The following PRXL2A variants were observed in gnomAD, a reference collection of about 807,000 sequenced individuals.
PRXL2A encodes the protein peroxiredoxin-like 2A.
Under a neutral mutation model 25.6 loss-of-function variants are expected in PRXL2A, and 26 were observed. The ratio of observed to expected loss-of-function variants is 1.02; its 90% CI spans 0.74 to 1.41. The LOEUF (loss-of-function observed/expected upper bound fraction) is 1.41, where lower values mean the gene tolerates loss of function less well. PRXL2A is among the 40% of genes most tolerant of loss of function. PRXL2A has a pLI of 0.00. For synonymous variants in PRXL2A, 98 were observed against 102.9 expected, an observed-to-expected ratio of 0.95 and a Z score of 0.29; for missense variants, 246 against 273.9, an observed-to-expected ratio of 0.90 and a Z score of 0.72.
rs1845355025 is a variant in PRXL2A at position 80,434,664 on chromosome 10, C to A, written c.*2565C>A. Reference sequence around the variant, plus strand: ...ATAGAACTAGGGAAGTGCAAAATTACAAAAAGCTGGTAAGGAGATTGGTCA... The same window carrying A: ...ATAGAACTAGGGAAGTGCAAAATTAAAAAAAGCTGGTAAGGAGATTGGTCA... On this transcript the variant is annotated 3_prime_UTR_variant, in exon 6 of 6. Transcript: ENST00000606162. The A allele has an allele frequency of 6.6e-6, 1 of 152,022 alleles. No homozygotes were observed. The highest frequency in any genetic ancestry group is 1.5e-5 in the Non-Finnish European group (1 of 68,024). 9.4% of individuals were successfully genotyped at this position (152,022 alleles called of 1,614,324 possible).
At chr10:80,430,503 C>T (rs1005109675) in intron 5 of PRXL2A, among the ~76,000 whole-genome samples, 5 of 152,078 alleles carry the variant, frequency 3.3e-5, no homozygotes, top group Non-Finnish European at 5.9e-5. Context: ...AAAGTTTAGC[C>T]GGCGTGGTGA....
At chr10:80,429,371 A>G (rs1412600125) in intron 5 of PRXL2A, among the ~76,000 whole-genome samples, 2 of 152,212 alleles carry the variant, frequency 1.3e-5, no homozygotes, top group Non-Finnish European at 2.9e-5. Context: ...TCTTCCTCAC[A>G]ACCAGTCTAG....
chr10:80,419,382 A>G (rs1844780337), intron 1 of PRXL2A, among the ~76,000 whole-genome samples: 1 of 141,810 alleles, frequency 7.1e-6, no homozygotes, highest in Non-Finnish European at 1.5e-5. Context: ...ATCTCGGCTC[A>G]CCGCAACCTC....
rs1010430725 is a variant in PRXL2A at position 80,435,538 on chromosome 10, G to T, written c.*3439G>T. ...TGTCACCTAGGCTAGAGTGTAATTA[G>T]TGGCCCCAGTCATGGCTCACTGCAG... On this transcript the variant is annotated 3_prime_UTR_variant, in exon 6 of 6. Transcript: ENST00000606162. 1 of 146,744 alleles carries T rather than the reference G, an allele frequency of 6.8e-6. No homozygotes were observed. The highest frequency in any genetic ancestry group is 1.5e-5 in the Non-Finnish European group (1 of 66,684). The allele number at this position is 146,744 out of a possible 1,614,324, so 9.1% of individuals were successfully genotyped here.
In PRXL2A at chr10:80,432,208, A is replaced by C. The variant is rs1472977942; in HGVS notation, c.*109A>C. On this transcript the variant is annotated 3_prime_UTR_variant, in exon 6 of 6. Transcript: ENST00000606162. Reference sequence around the variant, plus strand: ...GGAGTGAGAAACCCATTTATACTCTACTCTCAGTATGGATTATTAATGTAT... The same window carrying C: ...GGAGTGAGAAACCCATTTATACTCTCCTCTCAGTATGGATTATTAATGTAT... 1.5e-6 allele frequency: 1 copy of C among 652,824 alleles called. No individual in the cohort carries two copies. Among genetic ancestry groups the C allele is most frequent in the Non-Finnish European group, 2.7e-6 (1 of 374,634 alleles). 40.4% of individuals were successfully genotyped at this position (652,824 alleles called of 1,614,324 possible).
intron 1 of PRXL2A, chr10:80,420,188 C>G (rs1844813852): frequency 2.8e-6 from 3 of 1,080,672 alleles, no homozygotes; most frequent in Admixed American, 1.0e-4. Flanking sequence ...GAGAGAGCAG[C>G]AAGAGAACCA....
intron 5 of PRXL2A, among the ~76,000 whole-genome samples, chr10:80,429,204 G>T (rs940926950): frequency 2.0e-5 from 3 of 152,162 alleles, no homozygotes; most frequent in African/African-American, 7.2e-5. Flanking sequence ...CTTGGTAACT[G>T]ATTCGCTTGA....
intron 1 of PRXL2A, among the ~76,000 whole-genome samples, chr10:80,411,802 CT>C (rs1844484624): frequency 6.6e-6 from 1 of 152,116 alleles, no homozygotes; most frequent in Non-Finnish European, 1.5e-5. Flanking sequence ...CCCTCAGCAC[CT>C]TTTCTTGCTT....
At chr10:80,430,081 G>T (rs1232157907) in intron 5 of PRXL2A, among the ~76,000 whole-genome samples, 1 of 148,218 alleles carries the variant, frequency 6.7e-6, no homozygotes, top group South Asian at 2.1e-4. Context: ...TGGGGTGGTG[G>T]GGATTTCCTT....
At chr10:80,427,836 G>A (rs1459537307) in intron 5 of PRXL2A, among the ~76,000 whole-genome samples, 1 of 152,198 alleles carries the variant, frequency 6.6e-6, no homozygotes, top group Non-Finnish European at 1.5e-5. Context: ...ACTCAGGTTT[G>A]CTGACTTTAA....
At chr10:80,430,341 A>G (rs1468729290) in intron 5 of PRXL2A, among the ~76,000 whole-genome samples, 1 of 152,054 alleles carries the variant, frequency 6.6e-6, no homozygotes, top group Non-Finnish European at 1.5e-5. Flanking sequence ...ACCTCAAGTG[A>G]TCTATCCACA....
chr10:80,415,479 G>A (rs1237036704), intron 1 of PRXL2A, among the ~76,000 whole-genome samples: 2 of 152,204 alleles, frequency 1.3e-5, no homozygotes, highest in Non-Finnish European at 2.9e-5. Flanking sequence ...AGCCTAGCCT[G>A]TCCATGCTGC....
chr10:80,422,479 C>T lies in PRXL2A; in HGVS notation c.241C>T (p.Arg81Trp), dbSNP rs138058462. 5.6e-6 allele frequency: 9 copies of T among 1,613,820 alleles called. No homozygotes were observed. Among genetic ancestry groups the T allele is most frequent in the African/African-American group, 5.3e-5 (4 of 74,992 alleles). The change falls in exon 3 of 6, where the codon CGG becomes TGG. Residue 81 changes from arginine to tryptophan, a missense_variant. Arg to Trp is a moderately radical substitution (Grantham distance 101, BLOSUM62 -3). Coordinates refer to ENST00000606162, the MANE Select transcript of PRXL2A (RefSeq NM_032333.5). ...EKNGAVIMAV[R>W]RPGCFLCREE... ...AAATGGAGCTGTGATTATGGCCGTG[C>T]GGAGGCCAGGCTGTTTCCTCTGTCG...
chr10:80,435,128 C>G lies in PRXL2A; in HGVS notation c.*3029C>G, dbSNP rs536480465. 6 of 152,278 alleles carry G rather than the reference C, an allele frequency of 3.9e-5. No homozygotes were observed. Among genetic ancestry groups the G allele is most frequent in the Non-Finnish European group, 8.8e-5 (6 of 68,140 alleles). 9.4% of individuals were successfully genotyped at this position (152,278 alleles called of 1,614,324 possible). ...ACTCGGGTGGCTGAGGCAGGAGAAT[C>G]GCTTGAACCCAGGAGGCGGAGGGTG... On this transcript the variant is annotated 3_prime_UTR_variant, in exon 6 of 6. Transcript: ENST00000606162.
intron 2 of PRXL2A, 41 bp downstream of exon 2, chr10:80,420,686 G>C (rs757563002): frequency 4.2e-6 from 6 of 1,428,394 alleles, no homozygotes; most frequent in Middle Eastern, 2.3e-4. Flanking sequence ...TTTCCAAGGA[G>C]CTGGGATACA....
chr10:80,427,142 CAAAAAAA>C lies in PRXL2A; in HGVS notation c.412-177_412-171del, dbSNP rs767746938. ...TGACTGACAGAGCAAGACTCCATCT[CAAAAAAA>C]AAAAAAAAAAAAGAGTGGACCTGAA... On this transcript the variant is annotated intron_variant, in intron 4 of 5. Transcript: ENST00000606162. Among the ~76,000 whole-genome samples, 5 of 91,978 alleles carry C rather than the reference CAAAAAAA, an allele frequency of 5.4e-5. No homozygotes were observed. In the South Asian group the frequency reaches 1.0e-3, roughly 18 times the overall value. The allele number at this position is 91,978 out of a possible 152,430, so 60.3% of individuals were successfully genotyped here.
At chr10:80,423,102 G>A (rs1844925068) in intron 3 of PRXL2A, among the ~76,000 whole-genome samples, 1 of 152,190 alleles carries the variant, frequency 6.6e-6, no homozygotes, top group African/African-American at 2.4e-5. Context: ...AGTGCATTTG[G>A]CATGAGAGTT....
At chr10:80,423,753 C>T (rs907227451) in intron 3 of PRXL2A, among the ~76,000 whole-genome samples, 6 of 147,418 alleles carry the variant, frequency 4.1e-5, no homozygotes, top group Non-Finnish European at 7.4e-5. Context: ...CCACCCGGAT[C>T]GGGGAGATGT....
chr10:80,411,459 C>G (rs1394325128), intron 1 of PRXL2A, among the ~76,000 whole-genome samples: 1 of 152,222 alleles, frequency 6.6e-6, no homozygotes, highest in Non-Finnish European at 1.5e-5. Context: ...CCATGCTATT[C>G]CAGCCTTAGA....
Sources: gnomAD v4.1 joint callset for allele counts (sites outside exome capture counted in the v4.1 genomes callset) on GRCh38, gnomAD v4.1.1 for gene constraint, MANE v1.5 for transcripts, NCBI Gene and HGNC (gene_info 2026-07-23, HGNC 2026-07-21) for gene names.